Variants in COL6A5 observed in about 807,000 individuals in gnomAD.
The protein encoded by COL6A5 is collagen type VI alpha 5 chain.
In COL6A5, 48 loss-of-function variants were observed where a neutral mutation model predicts 65.6. That is an observed-to-expected ratio of 0.73 (90% CI 0.58 to 0.93). The LOEUF (loss-of-function observed/expected upper bound fraction) is 0.93, where lower values mean the gene tolerates loss of function less well. Among genes scored for constraint, COL6A5 ranks in the 40% least tolerant of loss-of-function variants. The pLI is 0.00. For missense variants in COL6A5, 914 were observed against 928.3 expected (o/e 0.98, Z 0.20); for synonymous variants, 291 against 322.8 (o/e 0.90, Z 1.05).
chr3:130,378,895 A>G (rs920119356), intron 3 of COL6A5, among the ~76,000 whole-genome samples: 3 of 152,212 alleles, frequency 2.0e-5, no homozygotes, highest in African/African-American at 7.2e-5. Context: ...GTGTGAAATA[A>G]TACAATCTAG....
intron 25 of COL6A5, among the ~76,000 whole-genome samples, chr3:130,419,166 A>G (rs1422480899): frequency 6.6e-6 from 1 of 152,116 alleles, no homozygotes; most frequent in Non-Finnish European, 1.5e-5. Context: ...ATAATGGATG[A>G]GTTAGAACAG....
At chr3:130,480,249 A>G (rs1481664751) in intron 7 of COL6A5, among the ~76,000 whole-genome samples, 1 of 152,028 alleles carries the variant, frequency 6.6e-6, no homozygotes, top group African/African-American at 2.4e-5. Flanking sequence ...TTTTTGTCTT[A>G]ATAGAATTAC....
intron 4 of COL6A5, among the ~76,000 whole-genome samples, chr3:130,380,884 CT>C (rs1935972270): frequency 1.3e-5 from 2 of 152,224 alleles, no homozygotes; most frequent in South Asian, 4.2e-4. Flanking sequence ...GTAGACTGAG[CT>C]AGTCTGATAC....
chr3:130,403,948 G>T (rs1936901648), intron 13 of COL6A5, among the ~76,000 whole-genome samples: 1 of 152,060 alleles, frequency 6.6e-6, no homozygotes, highest in Non-Finnish European at 1.5e-5. Context: ...GGTAAGGAGG[G>T]AACAGGCTTA....
chr3:130,397,480 G>C, intron 8 of COL6A5, 103 bp from the exon 9 acceptor site: 1 of 802,884 alleles, frequency 1.2e-6, no homozygotes, highest in Non-Finnish European at 1.9e-6. Context: ...GGGGACTAGA[G>C]ACCCTCTAGC....
At chr3:130,386,931 C>T (rs888594616) in intron 5 of COL6A5, among the ~76,000 whole-genome samples, 5 of 152,016 alleles carry the variant, frequency 3.3e-5, no homozygotes, top group African/African-American at 1.2e-4. Flanking sequence ...GAGTGAGGCA[C>T]AGTGTATTAG....
intron 18 of COL6A5, 90 bp from the exon 19 acceptor site, chr3:130,409,919 C>A: frequency 1.1e-6 from 1 of 874,230 alleles, no homozygotes; most frequent in Non-Finnish European, 1.8e-6. Context: ...TAGCTTGACC[C>A]AAATTAGCTT....
exon 4 of COL6A5, chr3:130,379,509 T>A (rs1935912202): frequency 6.4e-7 from 1 of 1,551,280 alleles, no homozygotes; most frequent in South Asian, 1.2e-5. Context: ...ATTTAAGGCA[T>A]CTTCAGACCT....
chr3:130,366,048 G>T (rs1012569764), intron 1 of COL6A5, among the ~76,000 whole-genome samples: 3 of 152,172 alleles, frequency 2.0e-5, no homozygotes, highest in African/African-American at 7.2e-5. Flanking sequence ...AGGAAAGCAG[G>T]CTACTGAAAC....
At chr3:130,427,644 C>G (rs567502127), upstream of COL6A5, among the ~76,000 whole-genome samples, 1 of 152,172 alleles carries the variant, frequency 6.6e-6, no homozygotes, top group East Asian at 1.9e-4. Flanking sequence ...GAAGGAGACT[C>G]AGATGTTGAA....
intron 4 of COL6A5, 56 bp from the exon 37 acceptor site, chr3:130,455,399 A>C: frequency 9.7e-7 from 1 of 1,033,282 alleles, no homozygotes; most frequent in South Asian, 1.5e-5. Context: ...AGGATGTTTT[A>C]TTTGCCTCCT....
At chr3:130,353,124 C>CT (rs1330712699) in intron 1 of COL6A5, among the ~76,000 whole-genome samples, 1 of 152,076 alleles carries the variant, frequency 6.6e-6, no homozygotes, top group African/African-American at 2.4e-5. Context: ...AAATCAAAAG[C>CT]TTTTTTATAA....
chr3:130,378,613 A>T (rs1055390144), intron 3 of COL6A5, among the ~76,000 whole-genome samples: 26 of 152,168 alleles, frequency 1.7e-4, no homozygotes, highest in African/African-American at 6.0e-4. Flanking sequence ...CTCTGGCCTC[A>T]TCTGTCAATG....
exon 29 of COL6A5, chr3:130,423,843 TG>T: frequency 6.5e-7 from 1 of 1,549,388 alleles, no homozygotes; most frequent in Non-Finnish European, 8.7e-7. Context: ...TGCAGCTCAC[TG>T]TAGGCTTGAA....
chr3:130,366,753 T>C lies in COL6A5; in HGVS notation c.-28-6858T>C, dbSNP rs59914861. Among the ~76,000 whole-genome samples, 1,091 of 152,372 alleles carry C rather than the reference T, an allele frequency of 7.2e-3. 14 individuals carry two copies. Among genetic ancestry groups the C allele is most frequent in the African/African-American group, 0.025 (1,030 of 41,584 alleles). On this transcript the variant is annotated intron_variant and NMD_transcript_variant, in intron 1 of 41. Transcript: ENST00000312481. ...CTTTACAATTTATTCTGAAACATCA[T>C]GTTCATTTATTCTTTTAACAAATAT...
At chr3:130,480,762 C>T (rs748555845) in intron 7 of COL6A5, among the ~76,000 whole-genome samples, 4 of 151,342 alleles carry the variant, frequency 2.6e-5, no homozygotes, top group African/African-American at 9.8e-5. Flanking sequence ...TTAAAGACAA[C>T]TAGGCTGGAA....
exon 8 of COL6A5, chr3:130,395,321 A>G (rs1302543435): frequency 9.7e-6 from 15 of 1,551,424 alleles, no homozygotes; most frequent in Non-Finnish European, 1.3e-5. Context: ...GGTTTTGGGC[A>G]TAGGAGATGT....
In COL6A5 at chr3:130,443,568, TA is replaced by T. The variant is rs763461975; in HGVS notation, c.1332+4del. On this transcript the variant is annotated splice_donor_region_variant and intron_variant, in intron 4 of 7. Transcript: ENST00000512836. ...GAATATTCAAAATGATGGTTTCCAG[TA>T]AGTTAGAAAGCTCTTATATTTACAA... 1 of 1,585,120 alleles carries T rather than the reference TA, an allele frequency of 6.3e-7. No individual in the cohort carries two copies. The highest frequency in any genetic ancestry group is 1.3e-5 in the African/African-American group (1 of 74,370).
At chr3:130,444,268 C>T (rs35742965) in intron 4 of COL6A5, among the ~76,000 whole-genome samples, 21,186 of 152,022 alleles carry the variant, frequency 0.14, 1,898 homozygotes, top group East Asian at 0.32. Context: ...ACACAATCAT[C>T]ACAGGGTCCT....
Sources: allele counts gnomAD v4.1 joint callset (sites outside exome capture counted in the v4.1 genomes callset), GRCh38; gene constraint gnomAD v4.1.1; transcripts MANE v1.5; gene names NCBI Gene and HGNC (gene_info 2026-07-23, HGNC 2026-07-21).